ZC3H7B: variants seen among roughly 807,000 people sequenced by gnomAD.
ZC3H7B encodes zinc finger CCCH-type containing 7B.
ZC3H7B carries 35 observed loss-of-function variants against 116.0 expected under a neutral mutation model. That is an observed-to-expected ratio of 0.30 (90% CI 0.23 to 0.40). ZC3H7B has a LOEUF of 0.40. Among genes scored for constraint, ZC3H7B ranks in the 10% least tolerant of loss-of-function variants. The pLI is 1.00. For synonymous variants in ZC3H7B, 502 were observed against 545.6 expected, an observed-to-expected ratio of 0.92 and a Z score of 1.11; for missense variants, 1,011 against 1,321.5, an observed-to-expected ratio of 0.77 and a Z score of 3.64.
intron 1 of ZC3H7B, among the ~76,000 whole-genome samples, chr22:41,314,775 A>G (rs2036159566): frequency 6.7e-6 from 1 of 149,900 alleles, no homozygotes; most frequent in Admixed American, 6.7e-5. Context: ...ACACCTGGCT[A>G]ATTTTTGTAT....
chr22:41,353,206 T>C (rs545619590), intron 17 of ZC3H7B, among the ~76,000 whole-genome samples: 8 of 152,188 alleles, frequency 5.3e-5, no homozygotes, highest in Non-Finnish European at 8.8e-5. Context: ...ATCTTCGCCA[T>C]GGTCCTGAAG....
intron 1 of ZC3H7B, among the ~76,000 whole-genome samples, chr22:41,305,991 T>G (rs1332275169): frequency 2.0e-5 from 3 of 152,202 alleles, no homozygotes; most frequent in African/African-American, 7.2e-5. Context: ...AAGTGCCATT[T>G]GAACATCTGA....
chr22:41,321,050 G>T (rs902567512), intron 2 of ZC3H7B, among the ~76,000 whole-genome samples: 4 of 152,068 alleles, frequency 2.6e-5, no homozygotes, highest in Non-Finnish European at 5.9e-5. Flanking sequence ...TACAATCTCA[G>T]TCTCCGTGCT....
Position 41,355,463 on chromosome 22 carries a change from C to G in ZC3H7B, c.2035-6C>G, listed in dbSNP as rs1306817302. 4 of 1,613,908 alleles carry G rather than the reference C, an allele frequency of 2.5e-6. No individual in the cohort carries two copies. Among genetic ancestry groups the G allele is most frequent in the East Asian group, 4.5e-5 (2 of 44,886 alleles). On this transcript the variant is annotated splice_polypyrimidine_tract_variant and splice_region_variant and intron_variant, in intron 17 of 22. Transcript: ENST00000352645. ...TTCACCAACCCCCCTCCCCATCCCC[C>G]CACAGGGTGCTCCGAGGACACATGG... is the stretch of plus-strand genomic sequence containing the variant.
intron 7 of ZC3H7B, chr22:41,335,610 C>T (rs972139440): frequency 6.6e-6 from 1 of 152,346 alleles, no homozygotes; most frequent in Non-Finnish European, 1.5e-5. Context: ...AGGATAGCAG[C>T]TCTGTGATCC....
chr22:41,323,578 C>A (rs1242967787), intron 2 of ZC3H7B, among the ~76,000 whole-genome samples: 1 of 152,220 alleles, frequency 6.6e-6, no homozygotes, highest in African/African-American at 2.4e-5. Flanking sequence ...TACAAGGCAG[C>A]CTCCCCGAAG....
chr22:41,339,288 A>C, intron 9 of ZC3H7B, 97 bp downstream of exon 9: 47 of 1,429,290 alleles, frequency 3.3e-5, no homozygotes, highest in Non-Finnish European at 3.9e-5. Flanking sequence ...TGCTCATGTC[A>C]TGTGTCTCAG....
chr22:41,311,941 A>C (rs1218898763), intron 1 of ZC3H7B, among the ~76,000 whole-genome samples: 1 of 152,166 alleles, frequency 6.6e-6, no homozygotes, highest in Non-Finnish European at 1.5e-5. Flanking sequence ...GAATTTAATT[A>C]ACTAATTTAA....
chr22:41,357,161 C>T lies in ZC3H7B; in HGVS notation c.2682-16C>T, dbSNP rs776951000. The stretch of plus-strand genomic sequence containing the variant: ...AGGGCACAGAGCTCGGGCAGTGAGC[C>T]TCCTGCCACCCACAGGCTCCAGAAG... On this transcript the variant is annotated splice_polypyrimidine_tract_variant and intron_variant, in intron 22 of 22. Coordinates refer to ENST00000352645, the MANE Select transcript of ZC3H7B (RefSeq NM_017590.6). The surrounding 1 kb of genome is among the most constrained non-coding windows in gnomAD (Gnocchi z 5.4). 2.6e-5 allele frequency: 42 copies of T among 1,610,848 alleles called. No individual in the cohort carries two copies. Among genetic ancestry groups the T allele is most frequent in the Non-Finnish European group, 3.1e-5 (36 of 1,179,046 alleles).
intron 1 of ZC3H7B, among the ~76,000 whole-genome samples, chr22:41,316,763 C>T (rs1401451117): frequency 4.6e-5 from 7 of 152,124 alleles, no homozygotes; most frequent in Non-Finnish European, 8.8e-5. Flanking sequence ...CAACCTCTGC[C>T]TCCCAGGTTC....
chr22:41,330,146 G>C, intron 6 of ZC3H7B, 43 bp downstream of exon 6: 1 of 1,609,054 alleles, frequency 6.2e-7, no homozygotes. Flanking sequence ...GTGGACGTGA[G>C]GAGGTCTGAA....
At chr22:41,341,002 TC>T in intron 10 of ZC3H7B, 85 bp from the exon 11 acceptor site, 1 of 1,345,854 alleles carries the variant, frequency 7.4e-7, no homozygotes, top group Non-Finnish European at 1.0e-6. Context: ...CTTCTCCGAG[TC>T]AGCAATACAT....
intron 13 of ZC3H7B, 129 bp from the exon 14 acceptor site, chr22:41,345,872 CTG>C (rs2036577996): frequency 1.1e-6 from 1 of 889,722 alleles, no homozygotes; most frequent in South Asian, 1.5e-5. Context: ...GCTCACCTAG[CTG>C]TGTTGGGGTG....
rs1236397798 is a variant in ZC3H7B at position 41,332,215 on chromosome 22, C to A, written c.570C>A (p.Gly190=). 2 of 1,614,066 alleles carry A rather than the reference C, an allele frequency of 1.2e-6. No individual in the cohort carries two copies. The highest frequency in any genetic ancestry group is 1.7e-6 in the Non-Finnish European group (2 of 1,180,034). The part of the protein sequence containing the change: ...FSLLSNGTAA[G]VADQGTSNGL... ...TGCTCAGTAACGGCACTGCGGCTGG[C>A]GTGGCAGATCAGGTAGGATCGGGGC... Residue 190 remains glycine (G), a synonymous_variant, in exon 7 of 23, where the codon GGC becomes GGA. Coordinates refer to ENST00000352645, the MANE Select transcript of ZC3H7B (RefSeq NM_017590.6).
chr22:41,343,277 T>C, intron 12 of ZC3H7B, 138 bp from the exon 13 acceptor site: 1 of 1,123,608 alleles, frequency 8.9e-7, no homozygotes, highest in Non-Finnish European at 1.2e-6. Context: ...AAGGGTGTGG[T>C]GGGAGCTGGC....
intron 17 of ZC3H7B, 91 bp from the exon 18 acceptor site, chr22:41,355,378 A>G (rs2036700599): frequency 2.0e-6 from 3 of 1,534,308 alleles, no homozygotes; most frequent in Non-Finnish European, 1.8e-6. Flanking sequence ...GCTTATTCCA[A>G]GGCTCTCCCA....
chr22:41,348,024 C>G (rs2145937679), intron 14 of ZC3H7B, 43 bp from the exon 15 acceptor site: 1 of 1,569,908 alleles, frequency 6.4e-7, no homozygotes, highest in South Asian at 1.1e-5. Context: ...ACCCCCTTCC[C>G]AGGTGGCCAT....
intron 1 of ZC3H7B, among the ~76,000 whole-genome samples, chr22:41,317,035 A>G (rs1429293895): frequency 6.6e-6 from 1 of 152,004 alleles, no homozygotes; most frequent in South Asian, 2.1e-4. Flanking sequence ...CTTAGTAGAG[A>G]CAGTGTTTCA....
At chr22:41,320,208 C>T (rs2036236741) in intron 1 of ZC3H7B, among the ~76,000 whole-genome samples, 1 of 151,560 alleles carries the variant, frequency 6.6e-6, no homozygotes, top group South Asian at 2.1e-4. Context: ...TGGTGGGCTC[C>T]TGTAATCCCA....
Sources: gnomAD v4.1 joint callset for allele counts (sites outside exome capture counted in the v4.1 genomes callset) on GRCh38, gnomAD v4.1.1 for gene constraint, Gnocchi (gnomAD v3.1) non-coding constraint, MANE v1.5 for transcripts, NCBI Gene and HGNC (gene_info 2026-07-23, HGNC 2026-07-21) for gene names.